Variants in TLN2 observed in about 807,000 individuals in gnomAD.
TLN2 encodes talin-2.
A neutral mutation model predicts 294.7 loss-of-function variants in TLN2; 118 were observed. The observed-to-expected ratio is 0.40, with a 90% CI of 0.34 to 0.47. TLN2 has a LOEUF of 0.47. TLN2 is among the 20% of genes least tolerant of loss of function. The probability of loss-of-function intolerance (pLI) is 0.84; values close to 1 mark genes in which losing one functional copy is unlikely to be tolerated. For synonymous variants in TLN2, 1,431 were observed against 1,304.5 expected (o/e 1.10, Z -2.09); for missense variants, 3,083 against 3,282.2 (o/e 0.94, Z 1.48).
At position 62,825,833 on chromosome 15, in the gene TLN2, TATA is replaced by T. The variant is rs1567687903; in HGVS notation, c.7002+5227_7002+5229del. On this transcript the variant is annotated intron_variant, in intron 54 of 58. Coordinates refer to ENST00000636159, the MANE Select transcript of TLN2 (RefSeq NM_015059.3). ...TTATATTATAATATATATTATAATATATAATATATATAAATATATTATATATAT... is the reference window on the plus strand; with the variant it reads ...TTATATTATAATATATATTATAATATATATATATAAATATATTATATATAT... Among the ~76,000 whole-genome samples, 29 of 7,628 alleles carry T rather than the reference TATA, an allele frequency of 3.8e-3. 1 individual carries two copies. The South Asian group carries it at 0.057, about 15-fold the overall frequency. The allele number at this position is 7,628 out of a possible 152,430, so 5.0% of individuals were successfully genotyped here.
At position 62,842,000 on chromosome 15, in the gene TLN2, A is replaced by G. The variant is rs1310681677; in HGVS notation, c.*1390A>G. 1 of 146,176 alleles carries G rather than the reference A, an allele frequency of 6.8e-6. No homozygotes were observed. Among genetic ancestry groups the G allele is most frequent in the Non-Finnish European group, 1.5e-5 (1 of 66,016 alleles). The allele number at this position is 146,176 out of a possible 1,614,324, so 9.1% of individuals were successfully genotyped here. On this transcript the variant is annotated 3_prime_UTR_variant, in exon 59 of 59. Coordinates refer to ENST00000636159, the MANE Select transcript of TLN2 (RefSeq NM_015059.3). ...CTCTCTCTCTCTCTGGTGTGCTATCATGTCTTGGACTCCATCCACACTATA... is the reference window on the plus strand; with the variant it reads ...CTCTCTCTCTCTCTGGTGTGCTATCGTGTCTTGGACTCCATCCACACTATA...
intron 1 of TLN2, among the ~76,000 whole-genome samples, chr15:62,461,739 G>C (rs941028715): frequency 1.3e-5 from 2 of 152,198 alleles, no homozygotes; most frequent in African/African-American, 4.8e-5. Context: ...ATGAGAGCAA[G>C]GCCAACAGGT....
At chr15:62,767,305 G>A (rs925266108) in intron 41 of TLN2, among the ~76,000 whole-genome samples, 4 of 148,052 alleles carry the variant, frequency 2.7e-5, no homozygotes, top group Non-Finnish European at 4.5e-5. Flanking sequence ...TTTAAGTGTG[G>A]CATATTTCAT....
chr15:62,647,896 TA>T (rs201905073), intron 4 of TLN2, among the ~76,000 whole-genome samples: 6 of 150,980 alleles, frequency 4.0e-5, no homozygotes, highest in Non-Finnish European at 7.4e-5. Context: ...TCTCAAACCT[TA>T]AAAAAAAAGA....
At chr15:62,761,861 G>A (rs770921115) in intron 38 of TLN2, 40 bp downstream of exon 38, 1 of 1,609,016 alleles carries the variant, frequency 6.2e-7, no homozygotes, top group Non-Finnish European at 8.5e-7. Flanking sequence ...AAGGTCTTTG[G>A]CTAACTTTGT....
chr15:62,528,710 A>G (rs1240936281), intron 1 of TLN2, among the ~76,000 whole-genome samples: 2 of 146,052 alleles, frequency 1.4e-5, no homozygotes, highest in Admixed American at 1.4e-4. Flanking sequence ...CAGGCAAACA[A>G]GTCGGGTCAG....
intron 40 of TLN2, among the ~76,000 whole-genome samples, chr15:62,765,127 C>G (rs569111104): frequency 1.3e-5 from 2 of 151,712 alleles, no homozygotes; most frequent in Admixed American, 6.6e-5. Flanking sequence ...TGCATGTGCT[C>G]CCTGATCATA....
chr15:62,399,252 CAAACAAAAAAAAAAAAA>C (rs2032812861), intron 1 of TLN2, among the ~76,000 whole-genome samples: 1 of 2,582 alleles, frequency 3.9e-4, no homozygotes, highest in African/African-American at 7.3e-4. Context: ...GACTCCGTCT[CAAACAAAAAAAAAAAAA>C]AAAAAAAAAA....
chr15:62,824,714 G>T (rs942873692), intron 54 of TLN2, among the ~76,000 whole-genome samples: 4 of 152,186 alleles, frequency 2.6e-5, no homozygotes, highest in Admixed American at 2.6e-4. Flanking sequence ...TAGCCTAATT[G>T]ACTGTGGCAG....
At chr15:62,774,244 A>G (rs2063544062) in intron 42 of TLN2, among the ~76,000 whole-genome samples, 2 of 152,308 alleles carry the variant, frequency 1.3e-5, no homozygotes, top group South Asian at 2.1e-4. Context: ...GAAGTGCTGT[A>G]ATAAAGAAAC....
At position 62,656,044 on chromosome 15, in the gene TLN2, A is replaced by G; in HGVS notation, c.618A>G (p.Val206=). Residue 206 remains valine (V), a synonymous_variant, in exon 8 of 59, where the codon GTA becomes GTG. Coordinates refer to ENST00000636159, the MANE Select transcript of TLN2 (RefSeq NM_015059.3). ...RRKFFYSDQN[V]DSRDPVQLNL... is the part of the protein sequence containing the mutation. Reference sequence around the variant, plus strand: ...AGTTCTTTTACTCTGATCAGAATGTAGATTCGAGAGACCCCGTGCAGCTGA... The same window carrying G: ...AGTTCTTTTACTCTGATCAGAATGTGGATTCGAGAGACCCCGTGCAGCTGA... The G allele has an allele frequency of 6.2e-7, 1 of 1,614,214 alleles. No homozygotes were observed. The highest frequency in any genetic ancestry group is 8.5e-7 in the Non-Finnish European group (1 of 1,180,040).
chr15:62,678,973 C>G (rs1335285226), intron 11 of TLN2, among the ~76,000 whole-genome samples: 1 of 150,068 alleles, frequency 6.7e-6, no homozygotes, highest in Non-Finnish European at 1.5e-5. Flanking sequence ...AATGAAGGAA[C>G]AAAATTACTA....
intron 35 of TLN2, among the ~76,000 whole-genome samples, chr15:62,752,966 T>G (rs1003148562): frequency 6.6e-6 from 1 of 152,184 alleles, no homozygotes; most frequent in Non-Finnish European, 1.5e-5. Context: ...CATTTGACAG[T>G]TACCTTGAAC....
At chr15:62,705,600 C>A (rs768762019) in intron 19 of TLN2, among the ~76,000 whole-genome samples, 1 of 152,202 alleles carries the variant, frequency 6.6e-6, no homozygotes, top group Non-Finnish European at 1.5e-5. Flanking sequence ...CCTGGCCCCC[C>A]ATCTGAAAAG....
At chr15:62,675,107 A>G in intron 10 of TLN2, 110 bp from the exon 11 acceptor site, 2 of 962,260 alleles carry the variant, frequency 2.1e-6, no homozygotes, top group South Asian at 3.1e-5. Flanking sequence ...ACCATCACTT[A>G]ATGATCATTC....
At chr15:62,780,431 C>T (rs2064060204) in intron 43 of TLN2, among the ~76,000 whole-genome samples, 1 of 152,156 alleles carries the variant, frequency 6.6e-6, no homozygotes, top group Non-Finnish European at 1.5e-5. Flanking sequence ...GACTAGAGAT[C>T]AGAGTTTAAG....
chr15:62,599,886 A>T (rs2046843778), intron 2 of TLN2, among the ~76,000 whole-genome samples: 1 of 152,102 alleles, frequency 6.6e-6, no homozygotes, highest in Non-Finnish European at 1.5e-5. Context: ...TGGATTCAAT[A>T]CCCTAAACTA....
intron 45 of TLN2, among the ~76,000 whole-genome samples, chr15:62,785,299 T>C (rs916132674): frequency 1.3e-5 from 2 of 152,202 alleles, no homozygotes; most frequent in African/African-American, 2.4e-5. Context: ...TTCATTTGAC[T>C]AACCTATAAT....
chr15:62,451,860 G>T (rs2036173593), intron 1 of TLN2, among the ~76,000 whole-genome samples: 1 of 152,124 alleles, frequency 6.6e-6, no homozygotes, highest in Non-Finnish European at 1.5e-5. Flanking sequence ...CCCAAGTCTT[G>T]TTTTGTGTCA....
Sources: allele counts gnomAD v4.1 joint callset (sites outside exome capture counted in the v4.1 genomes callset), GRCh38; gene constraint gnomAD v4.1.1; transcripts MANE v1.5; gene names NCBI Gene and HGNC (gene_info 2026-07-23, HGNC 2026-07-21).